Variants in TH observed in about 807,000 individuals in gnomAD.
The protein encoded by TH is tyrosine 3-monooxygenase.
TH carries 49 observed loss-of-function variants against 57.4 expected under a neutral mutation model. The ratio of observed to expected loss-of-function variants is 0.85; its 90% confidence interval spans 0.68 to 1.08. The LOEUF (loss-of-function observed/expected upper bound fraction) is 1.08, where lower values mean the gene tolerates loss of function less well. TH is among the 50% of genes least tolerant of loss of function. The pLI is 0.00. For missense variants in TH, 720 were observed against 696.7 expected, an observed-to-expected ratio of 1.03 and a Z score of -0.38; for synonymous variants, 330 against 304.5, an observed-to-expected ratio of 1.08 and a Z score of -0.87.
At position 2,164,358 on chromosome 11, in the gene TH, C is replaced by T. The variant is rs760675839; in HGVS notation, c.1369G>A (p.Val457Met). 4.4e-5 allele frequency: 68 copies of T among 1,549,966 alleles called. No individual in the cohort carries two copies. Among genetic ancestry groups the T allele is most frequent in the African/African-American group, 1.4e-4 (10 of 72,000 alleles). ...YASRIQRPFS[V>M]KFDPYTLAID... ...GCCAGCGTGTACGGGTCGAACTTCACGGAGAAGGGGCGCTGGATGCGTGAG... is the reference window on the plus strand; with the variant it reads ...GCCAGCGTGTACGGGTCGAACTTCATGGAGAAGGGGCGCTGGATGCGTGAG... The change falls in exon 13 of 13, where the codon GTG (valine) becomes ATG (methionine). Residue 457 changes from valine (V) to methionine (M), a missense_variant. Transcript: ENST00000352909.
chr11:2,164,454 AG>A, intron 12 of TH, 62 bp from the exon 13 acceptor site: 1 of 1,515,752 alleles, frequency 6.6e-7, no homozygotes, highest in South Asian at 1.3e-5. Flanking sequence ...CCTCCAGGAG[AG>A]GGGAGGCCAG....
Position 2,165,341 on chromosome 11 carries a change from T to A in TH, c.1225A>T (p.Ile409Phe), listed in dbSNP as rs1005978945. Residue 409 changes from isoleucine (I) to phenylalanine (F), a missense_variant, in exon 12 of 13, where the codon ATT (isoleucine) becomes TTT (phenylalanine). Coordinates refer to ENST00000352909, the MANE Select transcript of TH (RefSeq NM_000360.4). ...GCAGCCTCAGGGTCGAAGGCCCGAA[T>A]CTCAGGCTCCTCAGACAGGCAGTGC... ...LLHCLSEEPE[I>F]RAFDPEAAAV... 6.2e-7 allele frequency: 1 copy of A among 1,611,834 alleles called. No individual in the cohort carries two copies. Among genetic ancestry groups the A allele is most frequent in the Non-Finnish European group, 8.5e-7 (1 of 1,179,972 alleles).
chr11:2,168,788 T>A, intron 2 of TH, 123 bp from the exon 3 acceptor site: 1 of 1,199,962 alleles, frequency 8.3e-7, no homozygotes, highest in Non-Finnish European at 1.2e-6. Flanking sequence ...TTGACTTTTG[T>A]GCTAGCAGCA....
rs1846215061 is a variant in TH at position 2,170,151 on chromosome 11, A to G, written c.91-280T>C. On this transcript the variant is annotated intron_variant, in intron 1 of 12. Transcript: ENST00000352909. The surrounding 1 kb of genome is among the most constrained non-coding windows in gnomAD (Gnocchi z 6.0). ...CTCGCCTGCTCCCCACTCTGTGGCG[A>G]GCAGACAGACAGAGACGCTGTGTCA... Among the ~76,000 whole-genome samples, 1 of 152,108 alleles carries G rather than the reference A, an allele frequency of 6.6e-6. No individual in the cohort carries two copies. Among genetic ancestry groups the G allele is most frequent in the Non-Finnish European group, 1.5e-5 (1 of 68,008 alleles).
chr11:2,168,429 G>A, intron 3 of TH, 62 bp downstream of exon 3: 10 of 1,600,504 alleles, frequency 6.2e-6, no homozygotes, highest in Non-Finnish European at 8.5e-6. Flanking sequence ...CCCTGCAGGA[G>A]CCCCTGCACC....
At position 2,166,918 on chromosome 11, in the gene TH, G is replaced by C. The variant is rs1846110224; in HGVS notation, c.810C>G (p.Pro270=). The change falls in exon 7 of 13, where the codon CCC becomes CCG. Residue 270 remains proline (P), a synonymous_variant. Coordinates refer to ENST00000352909, the MANE Select transcript of TH (RefSeq NM_000360.4). ...RFSGYREDNI[P]QLEDVSRFLK... Reference sequence around the variant, plus strand: ...GGAAGCGGGAGACGTCCTCCAGCTGGGGGATATTGTCTTCCCGGTAGCCGC... The same window carrying C: ...GGAAGCGGGAGACGTCCTCCAGCTGCGGGATATTGTCTTCCCGGTAGCCGC... The C allele has an allele frequency of 4.4e-6, 7 of 1,604,178 alleles. No individual in the cohort carries two copies. Among genetic ancestry groups the C allele is most frequent in the Non-Finnish European group, 5.1e-6 (6 of 1,176,478 alleles).
At chr11:2,166,422 C>A (rs1023579466) in intron 9 of TH, 58 bp downstream of exon 9, 5 of 1,522,032 alleles carry the variant, frequency 3.3e-6, no homozygotes, top group African/African-American at 1.4e-5. Context: ...TCCCCGCCCG[C>A]CCCCGGCGCC....
Position 2,171,415 on chromosome 11 carries a change from G to A in TH, c.90+282C>T, listed in dbSNP as rs1846254143. ...CCACATTCCGATCGTTAAGATTCAA[G>A]ATGAAACAAGACACAGAGACCCACA... On this transcript the variant is annotated intron_variant, in intron 1 of 12. Coordinates refer to ENST00000352909, the MANE Select transcript of TH (RefSeq NM_000360.4). The surrounding 1 kb of genome is among the most constrained non-coding windows in gnomAD (Gnocchi z 8.6). 2.0e-5 allele frequency among the ~76,000 whole-genome samples: 3 copies of A among 151,746 alleles called. No homozygotes were observed. Among genetic ancestry groups the A allele is most frequent in the African/African-American group, 7.3e-5 (3 of 41,248 alleles).
chr11:2,166,307 G>C (rs1342540400), intron 9 of TH, 173 bp downstream of exon 9: 1 of 993,420 alleles, frequency 1.0e-6, no homozygotes, highest in African/African-American at 1.6e-5. Context: ...CAGGCCGTGG[G>C]AGGCTCCGCT....
Position 2,164,198 on chromosome 11 carries a change from G to A in TH, c.*35C>T. On this transcript the variant is annotated 3_prime_UTR_variant, in exon 13 of 13. Transcript: ENST00000352909. ...AGCTCCGGGACAGTGCAGGACCAGG[G>A]GAGGTTGGGAAGGGCCCTCAGGGAC... The A allele has an allele frequency of 7.0e-7, 1 of 1,429,548 alleles. No individual in the cohort carries two copies. The highest frequency in any genetic ancestry group is 2.7e-5 in the East Asian group (1 of 37,708). 88.6% of individuals were successfully genotyped at this position (1,429,548 alleles called of 1,614,324 possible).
intron 2 of TH, 65 bp downstream of exon 2, chr11:2,169,585 A>G (rs1302135522): frequency 2.2e-5 from 33 of 1,531,504 alleles, no homozygotes; most frequent in South Asian, 5.6e-5. Flanking sequence ...GGGGTCAGGA[A>G]CTCAGCCCAC....
rs750548460 is a variant in TH at position 2,167,036 on chromosome 11, C to A, written c.696-4G>T. 3 of 1,577,076 alleles carry A rather than the reference C, an allele frequency of 1.9e-6. No individual in the cohort carries two copies. Among genetic ancestry groups the A allele is most frequent in the South Asian group, 1.2e-5 (1 of 86,094 alleles). Reference sequence around the variant, plus strand: ...CAGCGTGGTGTAGACCTCCTTCCTGCGGGCAGCCAGGCTCAGGGCCCTCTA... The same window carrying A: ...CAGCGTGGTGTAGACCTCCTTCCTGAGGGCAGCCAGGCTCAGGGCCCTCTA... On this transcript the variant is annotated splice_region_variant and splice_polypyrimidine_tract_variant and intron_variant, in intron 6 of 12. Coordinates refer to ENST00000352909, the MANE Select transcript of TH (RefSeq NM_000360.4).
chr11:2,167,223 G>C, intron 6 of TH, 191 bp from the exon 7 acceptor site: 1 of 998,490 alleles, frequency 1.0e-6, no homozygotes. Flanking sequence ...AGGGGGCCAT[G>C]AGGGGCGGTC....
Position 2,165,287 on chromosome 11 carries a change from A to G in TH, c.1279T>C (p.Tyr427His). Reference protein sequence around the residue: ...AAVQPYQDQTYQSVYFVSESF... With the variant: ...AAVQPYQDQTHQSVYFVSESF... ...TCAGACACGAAGTAGACTGACTGGT[A>G]CGTCTGGTCTTGGTAGGGCTGCACG... The change falls in exon 12 of 13, where the codon TAC becomes CAC. Residue 427 changes from tyrosine (Y) to histidine (H), a missense_variant. Transcript: ENST00000352909. 1 of 1,612,818 alleles carries G rather than the reference A, an allele frequency of 6.2e-7. No individual in the cohort carries two copies. The highest frequency in any genetic ancestry group is 8.5e-7 in the Non-Finnish European group (1 of 1,179,980).
intron 11 of TH, 49 bp from the exon 12 acceptor site, chr11:2,165,414 GAGGGA>G (rs1448011871): frequency 6.2e-7 from 1 of 1,602,126 alleles, no homozygotes; most frequent in South Asian, 1.1e-5. Flanking sequence ...CCAGGTCCCC[GAGGGA>G]ACTGGGGCAC....
Position 2,170,685 on chromosome 11 carries a change from C to T in TH, c.91-814G>A, listed in dbSNP as rs1399838873. The T allele has an allele frequency of 2.5e-6, 4 of 1,602,550 alleles. No homozygotes were observed. The South Asian group carries it at 4.5e-5, about 18-fold the overall frequency. ...AAGCCCCTCCCAGAGTCCCCTCTTACTTACCCTTGGGGTGGGGGTGTAGGA... is the reference window on the plus strand; with the variant it reads ...AAGCCCCTCCCAGAGTCCCCTCTTATTTACCCTTGGGGTGGGGGTGTAGGA... On this transcript the variant is annotated intron_variant, in intron 1 of 12. Transcript: ENST00000352909. The surrounding 1 kb of genome is among the most constrained non-coding windows in gnomAD (Gnocchi z 6.0).
rs368929505 is a variant in TH, at chr11:2,165,484, C to T, written c.1201-119G>A. 276 of 1,502,612 alleles carry T rather than the reference C, an allele frequency of 1.8e-4. 1 individual carries two copies. In the East Asian group the frequency reaches 3.2e-3, roughly 18 times the overall value. The allele number at this position is 1,502,612 out of a possible 1,614,324, so 93.1% of individuals were successfully genotyped here. On this transcript the variant is annotated intron_variant, in intron 11 of 12. Transcript: ENST00000352909. ...GTAGAGTCACCCCCATCTCCCCCGC[C>T]GGGCCTTCGGAGGCCTGGGATAATG...
intron 5 of TH, 34 bp downstream of exon 5, chr11:2,167,832 C>T (rs759141835): frequency 6.7e-5 from 106 of 1,574,170 alleles, no homozygotes; most frequent in Middle Eastern, 1.7e-4. Flanking sequence ...GCCTGCAGGA[C>T]GGAGTCTGGG....
rs555748842 is a variant in TH, at chr11:2,166,118, G to A, written c.1048-60C>T. The A allele has an allele frequency of 1.3e-5, 20 of 1,527,144 alleles. No individual in the cohort carries two copies. The East Asian group carries it at 2.9e-4, about 22-fold the overall frequency. The allele number at this position is 1,527,144 out of a possible 1,614,324, so 94.6% of individuals were successfully genotyped here. A position where few individuals can be genotyped will look rare whatever the true frequency, so the allele number is the denominator to read the frequency against. On this transcript the variant is annotated intron_variant, in intron 9 of 12. Transcript: ENST00000352909. ...CAGCCCTGGGTCATGCTCGAGGTGG[G>A]GGCACCGGGGGTGTCAGCAGCCCCT... is the stretch of plus-strand genomic sequence containing the variant.
Sources: gnomAD v4.1 joint callset for allele counts (sites outside exome capture counted in the v4.1 genomes callset) on GRCh38, gnomAD v4.1.1 for gene constraint, Gnocchi (gnomAD v3.1) non-coding constraint, MANE v1.5 for transcripts, NCBI Gene and HGNC (gene_info 2026-07-23, HGNC 2026-07-21) for gene names.